The following RGS7 variants were observed in gnomAD, a reference collection of about 807,000 sequenced individuals.
The protein encoded by RGS7 is regulator of G-protein signaling 7.
Under a neutral mutation model 81.1 loss-of-function variants are expected in RGS7, and 27 were observed. The observed-to-expected ratio is 0.33, with a 90% CI of 0.25 to 0.46. RGS7 has a LOEUF of 0.46. Ranked by LOEUF, RGS7 falls within the 20% of genes least tolerant of loss-of-function variation. The pLI, the probability that RGS7 is intolerant of heterozygous loss-of-function variation, is 1.00. For missense variants in RGS7, 396 were observed against 607.4 expected, an observed-to-expected ratio of 0.65 and a Z score of 3.66; for synonymous variants, 208 against 207.7, an observed-to-expected ratio of 1.00 and a Z score of -0.01.
chr1:241,225,059 G>C (rs561694902), intron 2 of RGS7, among the ~76,000 whole-genome samples: 27 of 151,814 alleles, frequency 1.8e-4, no homozygotes, highest in African/African-American at 6.5e-4. Flanking sequence ...TGGATATATT[G>C]CCTAGTGATG....
chr1:241,041,692 G>A (rs1043898415), intron 3 of RGS7, among the ~76,000 whole-genome samples: 4 of 152,060 alleles, frequency 2.6e-5, no homozygotes, highest in Non-Finnish European at 4.4e-5. Context: ...GACTTAGGTC[G>A]CATTTACACA....
intron 2 of RGS7, among the ~76,000 whole-genome samples, chr1:241,221,767 G>A (rs553813771): frequency 1.6e-4 from 24 of 152,274 alleles, no homozygotes; most frequent in Admixed American, 5.2e-4. Flanking sequence ...GATGGCCTTC[G>A]AACTTGAATG....
chr1:241,339,939 A>G (rs1239051608), intron 2 of RGS7, among the ~76,000 whole-genome samples: 1 of 152,218 alleles, frequency 6.6e-6, no homozygotes, highest in Non-Finnish European at 1.5e-5. Flanking sequence ...GGTTTATCAC[A>G]GTTTCATAAA....
At chr1:241,146,705 C>T (rs2068335215) in intron 2 of RGS7, among the ~76,000 whole-genome samples, 1 of 152,172 alleles carries the variant, frequency 6.6e-6, no homozygotes, top group Non-Finnish European at 1.5e-5. Context: ...ATATGCTTGT[C>T]TTAGTTCATT....
At chr1:240,830,276 T>C (rs1329869818) in intron 9 of RGS7, among the ~76,000 whole-genome samples, 4 of 152,180 alleles carry the variant, frequency 2.6e-5, no homozygotes, top group African/African-American at 9.7e-5. Flanking sequence ...GATGGGAGCC[T>C]GAAGTTGGGA....
At chr1:240,984,369 T>G (rs972737115) in intron 3 of RGS7, among the ~76,000 whole-genome samples, 2 of 152,136 alleles carry the variant, frequency 1.3e-5, no homozygotes, top group African/African-American at 4.8e-5. Context: ...CTTAGTTCAG[T>G]GTACAAAGGA....
At chr1:240,940,821 A>C (rs1382809394) in intron 4 of RGS7, among the ~76,000 whole-genome samples, 1 of 152,224 alleles carries the variant, frequency 6.6e-6, no homozygotes, top group East Asian at 1.9e-4. Flanking sequence ...GTGAGTGATC[A>C]TAAGACTATT....
intron 9 of RGS7, among the ~76,000 whole-genome samples, chr1:240,863,398 C>G (rs768847648): frequency 2.4e-4 from 37 of 151,974 alleles, no homozygotes; most frequent in Non-Finnish European, 4.9e-4. Flanking sequence ...TTGCTTGAAC[C>G]GGGGAGGTGG....
chr1:241,313,390 C>T (rs1310624039), intron 2 of RGS7, among the ~76,000 whole-genome samples: 4 of 152,286 alleles, frequency 2.6e-5, no homozygotes, highest in Admixed American at 6.5e-5. Context: ...AGGCTAATGC[C>T]GCTGGTGACT....
intron 2 of RGS7, among the ~76,000 whole-genome samples, chr1:241,228,360 C>T (rs1021948226): frequency 8.5e-5 from 13 of 152,148 alleles, no homozygotes; most frequent in Non-Finnish European, 1.5e-4. Context: ...CACACAGAAA[C>T]GGTACGCACA....
At chr1:240,916,632 G>A (rs1241129130) in intron 6 of RGS7, among the ~76,000 whole-genome samples, 1 of 152,128 alleles carries the variant, frequency 6.6e-6, no homozygotes, top group Non-Finnish European at 1.5e-5. Flanking sequence ...GACTGGTGTT[G>A]TTCTAAGAGG....
At chr1:241,057,958 A>G (rs2061554849) in intron 3 of RGS7, among the ~76,000 whole-genome samples, 1 of 152,178 alleles carries the variant, frequency 6.6e-6, no homozygotes, top group Non-Finnish European at 1.5e-5. Flanking sequence ...AGGCATGAGT[A>G]GGGGAGGTGA....
At chr1:241,115,207 C>G (rs2065805996) in intron 2 of RGS7, among the ~76,000 whole-genome samples, 1 of 152,152 alleles carries the variant, frequency 6.6e-6, no homozygotes, top group African/African-American at 2.4e-5. Flanking sequence ...AGTCTATTTT[C>G]TGATGGCCAT....
intron 2 of RGS7, among the ~76,000 whole-genome samples, chr1:241,341,115 C>T (rs2082519496): frequency 6.6e-6 from 1 of 152,202 alleles, no homozygotes; most frequent in Non-Finnish European, 1.5e-5. Context: ...AGATATTCCA[C>T]CCCATTTACA....
chr1:240,845,443 C>T (rs889447616), intron 9 of RGS7, among the ~76,000 whole-genome samples: 10 of 152,082 alleles, frequency 6.6e-5, no homozygotes, highest in Middle Eastern at 3.2e-3. Context: ...GGTCCTGGTG[C>T]GATATAATAT....
In RGS7 at chr1:240,776,145, T is replaced by C. The variant is rs1682886650; in HGVS notation, c.*75A>G. On this transcript the variant is annotated 3_prime_UTR_variant, in exon 19 of 19. Coordinates refer to ENST00000440928, the MANE Select transcript of RGS7 (RefSeq NM_001364886.1). ...GTGCAGTGACTCCAGTCTGCATTCA[T>C]GCTACAAGATGATCCGTTTAGTAAG... 6.3e-7 allele frequency: 1 copy of C among 1,596,192 alleles called. No individual in the cohort carries two copies. The highest frequency in any genetic ancestry group is 1.3e-5 in the African/African-American group (1 of 74,524).
chr1:241,081,723 A>C (rs1288071437), intron 3 of RGS7, among the ~76,000 whole-genome samples: 1 of 152,254 alleles, frequency 6.6e-6, no homozygotes, highest in Non-Finnish European at 1.5e-5. Flanking sequence ...GTACTTAAGG[A>C]TAGGCAAACA....
chr1:241,243,802 G>A (rs148143076), intron 2 of RGS7, among the ~76,000 whole-genome samples: 1,853 of 152,276 alleles, frequency 0.012, 114 homozygotes, highest in Admixed American at 0.1. Context: ...TGAAAACCTA[G>A]TCATCCTGGA....
At chr1:241,085,445 G>C (rs1284204925) in intron 3 of RGS7, among the ~76,000 whole-genome samples, 5 of 150,084 alleles carry the variant, frequency 3.3e-5, no homozygotes, top group African/African-American at 1.3e-4. Flanking sequence ...ATTTATTTTT[G>C]AGACAGAGTC....
Sources: allele counts gnomAD v4.1 joint callset (sites outside exome capture counted in the v4.1 genomes callset), GRCh38; gene constraint gnomAD v4.1.1; transcripts MANE v1.5; gene names NCBI Gene and HGNC (gene_info 2026-07-23, HGNC 2026-07-21).